The following RSRC1 variants were observed in gnomAD, a reference collection of about 807,000 sequenced individuals.
RSRC1 encodes serine/Arginine-related protein 53.
RSRC1 carries 39 observed loss-of-function variants against 49.1 expected under a neutral mutation model. That is an observed-to-expected ratio of 0.79 (90% CI 0.61 to 1.04). The LOEUF is 1.04. Ranked by LOEUF, RSRC1 falls within the 50% of genes least tolerant of loss-of-function variation. The probability of loss-of-function intolerance (pLI) is 0.00; values close to 1 mark genes in which losing one functional copy is unlikely to be tolerated. For synonymous variants in RSRC1, 143 were observed against 130.8 expected (o/e 1.09, Z -0.63); for missense variants, 388 against 402.4 (o/e 0.96, Z 0.31).
At chr3:158,472,789 G>C (rs1738195015) in intron 7 of RSRC1, among the ~76,000 whole-genome samples, 1 of 152,098 alleles carries the variant, frequency 6.6e-6, no homozygotes, top group Non-Finnish European at 1.5e-5. Flanking sequence ...CCATTCTGTA[G>C]GTTGCCTGTT....
intron 7 of RSRC1, among the ~76,000 whole-genome samples, chr3:158,487,965 A>AAAAAAAAAAC (rs1738897091): frequency 6.7e-6 from 1 of 148,286 alleles, no homozygotes; most frequent in East Asian, 1.9e-4. Flanking sequence ...AAAAAAAAAA[A>AAAAAAAAAAC]AAAAAAAAAC....
At chr3:158,450,318 G>C (rs546621787) in intron 6 of RSRC1, among the ~76,000 whole-genome samples, 1 of 146,346 alleles carries the variant, frequency 6.8e-6, no homozygotes, top group South Asian at 2.2e-4. Flanking sequence ...ATAAACCATG[G>C]CTTTCTTTTT....
chr3:158,532,274 C>G (rs1384626001), intron 7 of RSRC1, among the ~76,000 whole-genome samples: 1 of 151,762 alleles, frequency 6.6e-6, no homozygotes, highest in Non-Finnish European at 1.5e-5. Context: ...CTGGTTGTTA[C>G]TTGTCATGAT....
chr3:158,457,273 T>C (rs896185597), intron 6 of RSRC1, among the ~76,000 whole-genome samples: 5 of 151,994 alleles, frequency 3.3e-5, no homozygotes, highest in Admixed American at 6.6e-5. Flanking sequence ...ATTTGTGGAG[T>C]TGGATCCAAA....
chr3:158,153,190 G>GTTAGTA (rs1717656968), intron 3 of RSRC1, among the ~76,000 whole-genome samples: 1 of 152,128 alleles, frequency 6.6e-6, no homozygotes, highest in Admixed American at 6.5e-5. Context: ...TACTAACTAT[G>GTTAGTA]TAGCTTAAAT....
intron 7 of RSRC1, among the ~76,000 whole-genome samples, chr3:158,476,116 T>G (rs1252611554): frequency 1.3e-5 from 2 of 152,154 alleles, no homozygotes; most frequent in Non-Finnish European, 1.5e-5. Flanking sequence ...CAACATTCCC[T>G]TACGTCAAAG....
chr3:158,210,092 A>G (rs1051687870), intron 4 of RSRC1, among the ~76,000 whole-genome samples: 2 of 152,072 alleles, frequency 1.3e-5, no homozygotes, highest in East Asian at 1.9e-4. Context: ...AGAGTCTGTC[A>G]TATTTTTCCT....
At chr3:158,192,293 A>C (rs753407279) in intron 3 of RSRC1, among the ~76,000 whole-genome samples, 1 of 152,098 alleles carries the variant, frequency 6.6e-6, no homozygotes, top group Non-Finnish European at 1.5e-5. Flanking sequence ...TATTGCTATC[A>C]TAGTTTATTG....
intron 3 of RSRC1, among the ~76,000 whole-genome samples, chr3:158,182,612 G>A (rs1719690498): frequency 6.6e-6 from 1 of 152,136 alleles, no homozygotes; most frequent in African/African-American, 2.4e-5. Flanking sequence ...TAGGCCAAAT[G>A]TTACTGGAAA....
chr3:158,113,678 T>C (rs946917234), intron 1 of RSRC1, among the ~76,000 whole-genome samples: 1 of 152,182 alleles, frequency 6.6e-6, no homozygotes, highest in Non-Finnish European at 1.5e-5. Context: ...TTTCTTGACT[T>C]CTTAATAATT....
rs187214338 is a variant in RSRC1 at position 158,516,681 on chromosome 3, G to C, written c.653-20411G>C. On this transcript the variant is annotated intron_variant, in intron 7 of 9. Transcript: ENST00000611884. ...TAAGCAAGCCTGGGCAATGGTGGGC[G>C]CCCCTTCCCCAGCCTCGTTGCCGCC... 1.8e-3 allele frequency among the ~76,000 whole-genome samples: 280 copies of C among 152,330 alleles called. 1 individual carries two copies. Among genetic ancestry groups the C allele is most frequent in the African/African-American group, 6.5e-3 (272 of 41,580 alleles).
intron 4 of RSRC1, among the ~76,000 whole-genome samples, chr3:158,283,953 C>T (rs1274272158): frequency 1.3e-5 from 2 of 151,232 alleles, no homozygotes; most frequent in Non-Finnish European, 1.5e-5. Context: ...AGGTTAGTTA[C>T]ATATGTATAC....
In RSRC1 at chr3:158,300,108, A is replaced by G. The variant is rs527259375; in HGVS notation, c.531+2033A>G. Among the ~76,000 whole-genome samples, 20 of 152,324 alleles carry G rather than the reference A, an allele frequency of 1.3e-4. No homozygotes were observed. The South Asian group carries it at 4.1e-3, about 32-fold the overall frequency. On this transcript the variant is annotated intron_variant, in intron 5 of 9. Coordinates refer to ENST00000611884, the MANE Select transcript of RSRC1 (RefSeq NM_001271838.2). ...TATATTTCATTTTTACTTATGTCAT[A>G]TACCTCAAATGTATTTCAAAGATAA...
intron 5 of RSRC1, among the ~76,000 whole-genome samples, chr3:158,333,548 T>C (rs1052903279): frequency 2.6e-5 from 4 of 152,190 alleles, no homozygotes; most frequent in Non-Finnish European, 4.4e-5. Flanking sequence ...AACACATTGG[T>C]TCAGACAGCT....
chr3:158,157,770 C>T (rs1032723006), intron 3 of RSRC1, among the ~76,000 whole-genome samples: 1 of 152,052 alleles, frequency 6.6e-6, no homozygotes, highest in African/African-American at 2.4e-5. Flanking sequence ...ACAAAATTAG[C>T]CGGGCATGGT....
chr3:158,142,448 C>T (rs1165377735), intron 3 of RSRC1, among the ~76,000 whole-genome samples: 2 of 152,122 alleles, frequency 1.3e-5, no homozygotes, highest in African/African-American at 4.8e-5. Flanking sequence ...TCCATTCTTG[C>T]ATCACTTAAA....
intron 1 of RSRC1, among the ~76,000 whole-genome samples, chr3:158,115,737 C>T (rs1334523389): frequency 6.6e-6 from 1 of 152,138 alleles, no homozygotes; most frequent in Non-Finnish European, 1.5e-5. Flanking sequence ...ATATCTGCTT[C>T]TTCATTCAAT....
intron 4 of RSRC1, among the ~76,000 whole-genome samples, chr3:158,217,732 A>G (rs1173835453): frequency 7.2e-6 from 1 of 139,570 alleles, no homozygotes; most frequent in Non-Finnish European, 1.5e-5. Context: ...AGTGCCTAAC[A>G]TTATGGAAAT....
At position 158,275,968 on chromosome 3, in the gene RSRC1, G is replaced by A. The variant is rs182009950; in HGVS notation, c.495-22071G>A. On this transcript the variant is annotated intron_variant, in intron 4 of 9. Transcript: ENST00000611884. ...TTTCCCTGTGCTTGTGGACTGGTTC[G>A]GTGATCCATGGGTGTCAGGATTTCT... is the stretch of plus-strand genomic sequence containing the variant. 269 of 755,952 alleles carry A rather than the reference G, an allele frequency of 3.6e-4. 1 individual carries two copies. In the African/African-American group the frequency reaches 3.8e-3, roughly 11 times the overall value. 46.8% of individuals were successfully genotyped at this position (755,952 alleles called of 1,614,324 possible). A position where few individuals can be genotyped will look rare whatever the true frequency, so the allele number is the denominator to read the frequency against.
Sources: allele counts gnomAD v4.1 joint callset (sites outside exome capture counted in the v4.1 genomes callset), GRCh38; gene constraint gnomAD v4.1.1; transcripts MANE v1.5; gene names NCBI Gene and HGNC (gene_info 2026-07-23, HGNC 2026-07-21).